Variants in ZNF502 observed in about 807,000 individuals in gnomAD.
ZNF502 encodes the protein zinc finger protein 502.
ZNF502 carries 29 observed loss-of-function variants against 43.6 expected under a neutral mutation model. The ratio of observed to expected loss-of-function variants is 0.67; its 90% CI spans 0.50 to 0.91. ZNF502 has a LOEUF of 0.91. Ranked by LOEUF, ZNF502 falls within the 40% of genes least tolerant of loss-of-function variation. ZNF502 has a pLI of 0.00. For synonymous variants in ZNF502, 171 were observed against 207.4 expected (o/e 0.82, Z 1.51); for missense variants, 591 against 647.2 (o/e 0.91, Z 0.94).
rs2125867947 is a variant in ZNF502, at chr3:44,721,870, T to C, written c.1053T>C (p.Tyr351=). Residue 351 remains tyrosine, a synonymous_variant, in exon 3 of 3, where the codon TAT becomes TAC. Transcript: ENST00000436624. ...HQRIHSGEKP[Y]KCKECGKAFC... Reference sequence around the variant, plus strand: ...GAATTCATAGTGGAGAGAAACCCTATAAATGTAAAGAATGTGGCAAAGCCT... The same window carrying C: ...GAATTCATAGTGGAGAGAAACCCTACAAATGTAAAGAATGTGGCAAAGCCT... 6.2e-7 allele frequency: 1 copy of C among 1,613,966 alleles called. No homozygotes were observed. Among genetic ancestry groups the C allele is most frequent in the East Asian group, 2.2e-5 (1 of 44,880 alleles).
rs61740974 is a variant in ZNF502 at position 44,722,319 on chromosome 3, G to A, written c.1502G>A (p.Arg501His). ...TGTAGTGAGTGTGAGAAAACCTTCC[G>A]CAAGTATGCACACCTTAGTGAACAT... is the stretch of plus-strand genomic sequence containing the variant. ...YKCSECEKTF[R>H]KYAHLSEHYR... is the part of the protein sequence containing the mutation. Residue 501 changes from arginine to histidine, a missense_variant, in exon 3 of 3, where the codon CGC becomes CAC. By Grantham distance (29) the Arg-to-His change is conservative. Coordinates refer to ENST00000436624, the MANE Select transcript of ZNF502 (RefSeq NM_001134442.3). The A allele has an allele frequency of 2.4e-4, 387 of 1,614,088 alleles. No individual in the cohort carries two copies. In the African/African-American group the frequency reaches 2.7e-3, roughly 11 times the overall value.
chr3:44,717,762 G>A (rs574968511), intron 1 of ZNF502, among the ~76,000 whole-genome samples: 1 of 152,202 alleles, frequency 6.6e-6, no homozygotes, highest in East Asian at 1.9e-4. Flanking sequence ...GGACTCAAGT[G>A]ATCCTCCCGC....
intron 2 of ZNF502, 137 bp from the exon 3 acceptor site, chr3:44,720,735 AC>A: frequency 3.2e-6 from 3 of 937,664 alleles, no homozygotes; most frequent in Non-Finnish European, 4.7e-6. Flanking sequence ...TACAACTCTA[AC>A]TTACTTGCCA....
chr3:44,715,383 T>A (rs374298051), intron 1 of ZNF502, among the ~76,000 whole-genome samples: 5 of 152,344 alleles, frequency 3.3e-5, no homozygotes, highest in South Asian at 2.1e-4. Flanking sequence ...TTAACAATTG[T>A]AGTAATAGTG....
At position 44,722,622 on chromosome 3, in the gene ZNF502, T is replaced by C. The variant is rs1218181654; in HGVS notation, c.*170T>C. ...GTGGGAGCTTAGGGAATGCAGAGCC[T>C]ACTTGAGGTGGGCATCTGGGAATAC... On this transcript the variant is annotated 3_prime_UTR_variant, in exon 3 of 3. Transcript: ENST00000436624. 1 of 843,672 alleles carries C rather than the reference T, an allele frequency of 1.2e-6. No homozygotes were observed. The highest frequency in any genetic ancestry group is 1.8e-6 in the Non-Finnish European group (1 of 560,458). The allele number at this position is 843,672 out of a possible 1,614,324, so 52.3% of individuals were successfully genotyped here. A position where few individuals can be genotyped will look rare whatever the true frequency, so the allele number is the denominator to read the frequency against.
chr3:44,714,142 G>C (rs1429436549), intron 1 of ZNF502, among the ~76,000 whole-genome samples: 1 of 152,156 alleles, frequency 6.6e-6, no homozygotes, highest in Non-Finnish European at 1.5e-5. Context: ...TAATTATTGA[G>C]GGGTAAGGAG....
chr3:44,716,410 G>A (rs1022043846), intron 1 of ZNF502, among the ~76,000 whole-genome samples: 7 of 151,904 alleles, frequency 4.6e-5, no homozygotes, highest in Admixed American at 3.9e-4. Context: ...GGCTGGTCTC[G>A]AACTCCTGAC....
At chr3:44,714,743 C>T (rs889726080) in intron 1 of ZNF502, 1 of 152,158 alleles carries the variant, frequency 6.6e-6, no homozygotes, top group African/African-American at 2.4e-5. Flanking sequence ...TGCCTGCCAT[C>T]GAGTAGATAT....
chr3:44,713,467 A>G (rs1354263357), intron 1 of ZNF502, among the ~76,000 whole-genome samples: 1 of 152,248 alleles, frequency 6.6e-6, no homozygotes. Flanking sequence ...GTAATATTTT[A>G]AACTACATTT....
At chr3:44,716,703 AG>A (rs1416981059) in intron 1 of ZNF502, among the ~76,000 whole-genome samples, 1 of 152,240 alleles carries the variant, frequency 6.6e-6, no homozygotes, top group Non-Finnish European at 1.5e-5. Flanking sequence ...CCGGTATGTG[AG>A]AAACTCCCTG....
intron 1 of ZNF502, among the ~76,000 whole-genome samples, chr3:44,719,489 T>G (rs1192532279): frequency 1.3e-5 from 2 of 152,256 alleles, no homozygotes; most frequent in Non-Finnish European, 2.9e-5. Context: ...GAGAGATATT[T>G]TTGAGTGAAC....
At position 44,720,270 on chromosome 3, in the gene ZNF502, T is replaced by C. The variant is rs1217321827; in HGVS notation, c.9T>C (p.Asn3=). ...GAAGAGACGATCTGTGGATGTTGAA[T>C]ATGCAAGGAGCTGAAGAGAGAGACA... ML[N]MQGAEERDIR... Residue 3 remains asparagine (N), a synonymous_variant, in exon 2 of 3, where the codon AAT becomes AAC. Coordinates refer to ENST00000436624, the MANE Select transcript of ZNF502 (RefSeq NM_001134442.3). 6.2e-7 allele frequency: 1 copy of C among 1,614,104 alleles called. No homozygotes were observed.
At position 44,721,166 on chromosome 3, in the gene ZNF502, C is replaced by A; in HGVS notation, c.349C>A (p.Arg117Ser). 1.2e-6 allele frequency: 2 copies of A among 1,614,078 alleles called. No individual in the cohort carries two copies. The highest frequency in any genetic ancestry group is 2.2e-5 in the East Asian group (1 of 44,876). ...SLLLTSSLVTRLRVSTEESLH... is the reference protein window; with the variant it reads ...SLLLTSSLVTSLRVSTEESLH... ...GCTTTTGACCTCAAGCCTTGTTACACGTCTCAGGGTTTCTACAGAAGAGAG... is the reference window on the plus strand; with the variant it reads ...GCTTTTGACCTCAAGCCTTGTTACAAGTCTCAGGGTTTCTACAGAAGAGAG... The change falls in exon 3 of 3, where the codon CGT becomes AGT. Residue 117 changes from arginine (R) to serine (S), a missense_variant. By Grantham distance (110) the Arg-to-Ser change is moderately radical (BLOSUM62 -1). Transcript: ENST00000436624.
In ZNF502 at chr3:44,721,149, C is replaced by T. The variant is rs774488078; in HGVS notation, c.332C>T (p.Thr111Ile). 6 of 1,614,106 alleles carry T rather than the reference C, an allele frequency of 3.7e-6. No individual in the cohort carries two copies. In the Admixed American group the frequency reaches 6.7e-5, roughly 18 times the overall value. Reference protein sequence around the residue: ...GYNFEKSLLLTSSLVTRLRVS... With the variant: ...GYNFEKSLLLISSLVTRLRVS... ...AATTTTGAGAAAAGCTTGCTTTTGA[C>T]CTCAAGCCTTGTTACACGTCTCAGG... is the stretch of plus-strand genomic sequence containing the variant. Residue 111 changes from threonine to isoleucine, a missense_variant, in exon 3 of 3, where the codon ACC (threonine) becomes ATC (isoleucine). Transcript: ENST00000436624.
rs763777526 is a variant in ZNF502, at chr3:44,722,275, T to G, written c.1458T>G (p.Thr486=). ...SSLTEHHRTH[T]GEKLYKCSEC... Reference sequence around the variant, plus strand: ...TTACTGAACATCATAGAACTCACACTGGTGAGAAGCTCTATAAATGTAGTG... The same window carrying G: ...TTACTGAACATCATAGAACTCACACGGGTGAGAAGCTCTATAAATGTAGTG... The change falls in exon 3 of 3, where the codon ACT becomes ACG. Residue 486 remains threonine, a synonymous_variant. Coordinates refer to ENST00000436624, the MANE Select transcript of ZNF502 (RefSeq NM_001134442.3). The G allele has an allele frequency of 3.1e-6, 5 of 1,614,126 alleles. No homozygotes were observed. Among genetic ancestry groups the G allele is most frequent in the East Asian group, 4.5e-5 (2 of 44,900 alleles).
In ZNF502 at chr3:44,722,605, T is replaced by C. The variant is rs1223753015; in HGVS notation, c.*153T>C. On this transcript the variant is annotated 3_prime_UTR_variant, in exon 3 of 3. Coordinates refer to ENST00000436624, the MANE Select transcript of ZNF502 (RefSeq NM_001134442.3). Reference sequence around the variant, plus strand: ...TGTTTCCAGAAATGGAGGTGGGAGCTTAGGGAATGCAGAGCCTACTTGAGG... The same window carrying C: ...TGTTTCCAGAAATGGAGGTGGGAGCCTAGGGAATGCAGAGCCTACTTGAGG... The C allele has an allele frequency of 3.9e-5, 40 of 1,028,544 alleles. No homozygotes were observed. The East Asian group carries it at 9.8e-4, about 25-fold the overall frequency. 63.7% of individuals were successfully genotyped at this position (1,028,544 alleles called of 1,614,324 possible).
chr3:44,722,429 CAG>C lies in ZNF502; in HGVS notation c.1614_1615del (p.Lys539ThrfsTer5), dbSNP rs1256801754. ...FRHSSVLFRH[Q>X]KLHSGD is the part of the protein sequence containing the mutation. ...ACATAGTTCAGTCCTTTTCAGACAT[CAG>C]AAACTTCACAGTGGTGACTAATGCT... On this transcript the variant is annotated frameshift_variant, in exon 3 of 3. Coordinates refer to ENST00000436624, the MANE Select transcript of ZNF502 (RefSeq NM_001134442.3). LOFTEE classifies it high-confidence loss of function. 27 of 1,612,414 alleles carry C rather than the reference CAG, an allele frequency of 1.7e-5. No homozygotes were observed. Among genetic ancestry groups the C allele is most frequent in the Non-Finnish European group, 2.3e-5 (27 of 1,179,316 alleles).
At position 44,722,072 on chromosome 3, in the gene ZNF502, A is replaced by G. The variant is rs369566208; in HGVS notation, c.1255A>G (p.Ser419Gly). ...CSECGKAFIQ[S>G]ICLIRHQRSH... ...TGAATGTGGTAAAGCCTTCATTCAG[A>G]GCATTTGCCTTATTCGGCACCAGAG... The change falls in exon 3 of 3, where the codon AGC becomes GGC. Residue 419 changes from serine to glycine, a missense_variant. Ser to Gly is a moderately conservative substitution (Grantham distance 56, BLOSUM62 0). Transcript: ENST00000436624. 1.2e-6 allele frequency: 2 copies of G among 1,614,054 alleles called. No individual in the cohort carries two copies. The highest frequency in any genetic ancestry group is 2.7e-5 in the African/African-American group (2 of 74,926).
At position 44,722,503 on chromosome 3, in the gene ZNF502, T is replaced by C. The variant is rs766375415; in HGVS notation, c.*51T>C. On this transcript the variant is annotated 3_prime_UTR_variant, in exon 3 of 3. Transcript: ENST00000436624. Reference sequence around the variant, plus strand: ...TCTCTAGCGAGGATGACTACGAATCTGACTGGGAGTAGAGGGGCAGGTAGA... The same window carrying C: ...TCTCTAGCGAGGATGACTACGAATCCGACTGGGAGTAGAGGGGCAGGTAGA... 6.4e-6 allele frequency: 10 copies of C among 1,550,438 alleles called. No homozygotes were observed. In the African/African-American group the frequency reaches 1.1e-4, roughly 17 times the overall value.
Sources: gnomAD v4.1 joint callset for allele counts (sites outside exome capture counted in the v4.1 genomes callset) on GRCh38, gnomAD v4.1.1 for gene constraint, MANE v1.5 for transcripts, NCBI Gene and HGNC (gene_info 2026-07-23, HGNC 2026-07-21) for gene names.